Variants in FBXL20 observed in about 807,000 individuals in gnomAD.
The protein encoded by FBXL20 is F-box/LRR-repeat protein 20.
Under a neutral mutation model 64.0 loss-of-function variants are expected in FBXL20, and 11 were observed. That is an observed-to-expected ratio of 0.17 (90% confidence interval 0.11 to 0.28). The LOEUF (loss-of-function observed/expected upper bound fraction) is 0.28, where lower values mean the gene tolerates loss of function less well. Among genes scored for constraint, FBXL20 ranks in the 10% least tolerant of loss-of-function variants. The pLI is 1.00. For missense variants in FBXL20, 303 were observed against 526.2 expected, an observed-to-expected ratio of 0.58 and a Z score of 4.15; for synonymous variants, 184 against 189.0, an observed-to-expected ratio of 0.97 and a Z score of 0.22.
At chr17:39,303,973 G>A (rs1321942723) in intron 2 of FBXL20, among the ~76,000 whole-genome samples, 1 of 152,126 alleles carries the variant, frequency 6.6e-6, no homozygotes, top group African/African-American at 2.4e-5. Flanking sequence ...ATTGCACCTG[G>A]TCAGTATGAT....
At chr17:39,332,385 C>T (rs548889094) in intron 2 of FBXL20, among the ~76,000 whole-genome samples, 3 of 152,220 alleles carry the variant, frequency 2.0e-5, no homozygotes, top group African/African-American at 7.2e-5. Context: ...CTCTAATGGA[C>T]AATATTTCAC....
chr17:39,358,000 C>T (rs1169062761), intron 1 of FBXL20, among the ~76,000 whole-genome samples: 1 of 152,178 alleles, frequency 6.6e-6, no homozygotes, highest in Non-Finnish European at 1.5e-5. Flanking sequence ...TCTTCTCATA[C>T]ATATGCATAT....
chr17:39,300,901 C>A, intron 4 of FBXL20, 100 bp downstream of exon 4: 3 of 1,111,194 alleles, frequency 2.7e-6, no homozygotes, highest in Non-Finnish European at 3.9e-6. Context: ...AATAATAGTT[C>A]CTCTCTTTAA....
chr17:39,335,582 CAAAAAAAAAAAAA>C (rs36023380), intron 2 of FBXL20, among the ~76,000 whole-genome samples: 4 of 77,366 alleles, frequency 5.2e-5, no homozygotes, highest in Non-Finnish European at 7.6e-5. Flanking sequence ...GACTCCGTCT[CAAAAAAAAAAAAA>C]AAAAAAAAAG....
intron 1 of FBXL20, among the ~76,000 whole-genome samples, chr17:39,391,662 C>T (rs1167414952): frequency 6.6e-6 from 1 of 152,038 alleles, no homozygotes; most frequent in Non-Finnish European, 1.5e-5. Flanking sequence ...GTCTCCTTAT[C>T]CAAATTAATT....
intron 1 of FBXL20, among the ~76,000 whole-genome samples, chr17:39,373,326 T>G (rs547377567): frequency 9.8e-5 from 15 of 152,312 alleles, no homozygotes; most frequent in African/African-American, 3.4e-4. Flanking sequence ...CAGAGTTCTG[T>G]GTTTCTACCC....
intron 1 of FBXL20, among the ~76,000 whole-genome samples, chr17:39,364,392 T>G (rs1447296279): frequency 5.3e-5 from 8 of 152,136 alleles, no homozygotes; most frequent in Non-Finnish European, 1.0e-4. Context: ...GAGAGTGGAT[T>G]GCTTGAGGCC....
chr17:39,329,277 T>A (rs1597800761), intron 2 of FBXL20, among the ~76,000 whole-genome samples: 1 of 152,276 alleles, frequency 6.6e-6, no homozygotes, highest in South Asian at 2.1e-4. Flanking sequence ...ATCCATAAGT[T>A]AAATTTAATA....
intron 2 of FBXL20, among the ~76,000 whole-genome samples, chr17:39,306,245 G>A (rs368161221): frequency 8.6e-5 from 13 of 151,490 alleles, no homozygotes; most frequent in East Asian, 5.9e-4. Flanking sequence ...CAGCCTCTTG[G>A]GGTCACGTGA....
At chr17:39,352,682 GAAA>G (rs11373643) in intron 1 of FBXL20, among the ~76,000 whole-genome samples, 1 of 122,736 alleles carries the variant, frequency 8.1e-6, no homozygotes, top group East Asian at 2.3e-4. Context: ...CTCTGTCTGG[GAAA>G]AAAAAAAAAA....
At chr17:39,334,529 C>CA (rs5820284) in intron 2 of FBXL20, among the ~76,000 whole-genome samples, 47,965 of 151,234 alleles carry the variant, frequency 0.32, 8,459 homozygotes, top group African/African-American at 0.48. Context: ...CCATGCTTGC[C>CA]ATTTCAGTTC....
chr17:39,317,388 T>C (rs1159190106), intron 2 of FBXL20, among the ~76,000 whole-genome samples: 1 of 152,018 alleles, frequency 6.6e-6, no homozygotes, highest in East Asian at 2.0e-4. Flanking sequence ...TGTGCCACCA[T>C]GCCTGGCTAA....
rs36023380 is a variant in FBXL20 at position 39,335,582 on chromosome 17, C to CAA, written c.104+7596_104+7597dup. On this transcript the variant is annotated intron_variant, in intron 2 of 14. Transcript: ENST00000264658. The stretch of plus-strand genomic sequence containing the variant: ...TGGGCAACAGAGTGAGACTCCGTCT[C>CAA]AAAAAAAAAAAAAAAAAAAAAAGAA... 4.4e-3 allele frequency among the ~76,000 whole-genome samples: 337 copies of CAA among 77,050 alleles called. 1 individual carries two copies. Among genetic ancestry groups the CAA allele is most frequent in the Middle Eastern group, 7.5e-3 (1 of 134 alleles). 50.5% of individuals were successfully genotyped at this position (77,050 alleles called of 152,430 possible).
chr17:39,348,706 G>A (rs934056684), intron 1 of FBXL20, among the ~76,000 whole-genome samples: 1 of 152,174 alleles, frequency 6.6e-6, no homozygotes, highest in Non-Finnish European at 1.5e-5. Flanking sequence ...GTGTTTACAT[G>A]TTCTTACTTT....
chr17:39,317,618 G>A, intron 2 of FBXL20, among the ~76,000 whole-genome samples: 1 of 151,020 alleles, frequency 6.6e-6, no homozygotes, highest in Admixed American at 6.6e-5. Context: ...AACAAAACAG[G>A]GCATCCAGAA....
chr17:39,322,493 A>T lies in FBXL20; in HGVS notation c.105-18854T>A, dbSNP rs184245843. Among the ~76,000 whole-genome samples, 224 of 152,214 alleles carry T rather than the reference A, an allele frequency of 1.5e-3. 2 individuals are homozygous for T. The highest frequency in any genetic ancestry group is 4.9e-3 in the African/African-American group (202 of 41,544). ...GAACATATAAATTTTTAATTAAAAA[A>T]TTTTTTAATTTGACTAAATACTAAG... On this transcript the variant is annotated intron_variant, in intron 2 of 14. Coordinates refer to ENST00000264658, the MANE Select transcript of FBXL20 (RefSeq NM_032875.3).
chr17:39,292,563 ACTG>A (rs2047049111), intron 6 of FBXL20, among the ~76,000 whole-genome samples: 1 of 151,646 alleles, frequency 6.6e-6, no homozygotes, highest in African/African-American at 2.4e-5. Flanking sequence ...CTGGCTTGTA[ACTG>A]CTATTTTTAA....
chr17:39,390,331 C>T (rs1181091256), intron 1 of FBXL20, among the ~76,000 whole-genome samples: 1 of 152,042 alleles, frequency 6.6e-6, no homozygotes, highest in Admixed American at 6.6e-5. Flanking sequence ...GAGGCCGAGG[C>T]AGGTGGATCA....
At chr17:39,268,916 T>G (rs771050568) in intron 11 of FBXL20, 45 bp from the exon 12 acceptor site, 8 of 1,544,126 alleles carry the variant, frequency 5.2e-6, no homozygotes, top group Non-Finnish European at 6.2e-6. Context: ...TACAAACATT[T>G]AAAACATGAG....
Sources: allele counts gnomAD v4.1 joint callset (sites outside exome capture counted in the v4.1 genomes callset), GRCh38; gene constraint gnomAD v4.1.1; transcripts MANE v1.5; gene names NCBI Gene and HGNC (gene_info 2026-07-23, HGNC 2026-07-21).